ABLIM2: variants seen among roughly 807,000 people sequenced by gnomAD.
ABLIM2 encodes actin-binding LIM protein 2.
Under a neutral mutation model 97.7 loss-of-function variants are expected in ABLIM2, and 53 were observed. The observed-to-expected ratio is 0.54, with a 90% CI of 0.44 to 0.68. ABLIM2 has a LOEUF of 0.68. Among genes scored for constraint, ABLIM2 ranks in the 30% least tolerant of loss-of-function variants. The pLI, the probability that ABLIM2 is intolerant of heterozygous loss-of-function variation, is 0.00. For synonymous variants in ABLIM2, 361 were observed against 345.8 expected, an observed-to-expected ratio of 1.04 and a Z score of -0.49; for missense variants, 835 against 867.2, an observed-to-expected ratio of 0.96 and a Z score of 0.47.
At chr4:7,981,845 C>T (rs771414586) in intron 20 of ABLIM2, among the ~76,000 whole-genome samples, 1 of 152,214 alleles carries the variant, frequency 6.6e-6, no homozygotes, top group Non-Finnish European at 1.5e-5. Flanking sequence ...GAGCACCCAG[C>T]CAGCTAGTGC....
rs539280643 is a variant in ABLIM2 at position 8,052,455 on chromosome 4, A to G, written c.822+1733T>C. Among the ~76,000 whole-genome samples, 17 of 152,320 alleles carry G rather than the reference A, an allele frequency of 1.1e-4. No individual in the cohort carries two copies. In the South Asian group the frequency reaches 3.5e-3, roughly 32 times the overall value. On this transcript the variant is annotated intron_variant, in intron 8 of 20. Coordinates refer to ENST00000447017, the MANE Select transcript of ABLIM2 (RefSeq NM_001130083.2). ...TATTTGAGAGGACAACAAAATTCACAATGTGCCAGCTAGCTGCTGCGATCC... is the reference window on the plus strand; with the variant it reads ...TATTTGAGAGGACAACAAAATTCACGATGTGCCAGCTAGCTGCTGCGATCC...
At chr4:8,103,881 A>G (rs1427967181) in intron 2 of ABLIM2, among the ~76,000 whole-genome samples, 1 of 152,236 alleles carries the variant, frequency 6.6e-6, no homozygotes, top group Non-Finnish European at 1.5e-5. Flanking sequence ...CCTTTCAAAT[A>G]AAGTGCAAGC....
At chr4:8,050,816 G>A (rs946224054) in intron 8 of ABLIM2, among the ~76,000 whole-genome samples, 1 of 152,218 alleles carries the variant, frequency 6.6e-6, no homozygotes, top group Non-Finnish European at 1.5e-5. Context: ...CCCTGGACTC[G>A]GCGCTAAGAG....
chr4:8,003,992 G>GCT lies in ABLIM2; in HGVS notation c.1618+4065_1618+4066dup, dbSNP rs1759258968. On this transcript the variant is annotated intron_variant, in intron 16 of 20. Coordinates refer to ENST00000447017, the MANE Select transcript of ABLIM2 (RefSeq NM_001130083.2). The surrounding 1 kb of genome is among the most constrained non-coding windows in gnomAD (Gnocchi z 4.2). Reference sequence around the variant, plus strand: ...AGATTGACAGTAGCACGTCAGGGAGGCTCTTCCTTCGACCACGGACTAAGG... The same window carrying GCT: ...AGATTGACAGTAGCACGTCAGGGAGGCTCTCTTCCTTCGACCACGGACTAAGG... Among the ~76,000 whole-genome samples the GCT allele has an allele frequency of 6.6e-6, 1 of 152,072 alleles. No homozygotes were observed. The highest frequency in any genetic ancestry group is 1.5e-5 in the Non-Finnish European group (1 of 68,020).
chr4:8,077,720 C>T lies in ABLIM2; in HGVS notation c.583G>A (p.Asp195Asn), dbSNP rs776636319. Reference protein sequence around the residue: ...KLLNAEYISKDGLPYCEADYH... With the variant: ...KLLNAEYISKNGLPYCEADYH... ...TCAGCTTCGCAGTAGGGCAGCCCAT[C>T]CCTGCAATGAGACAGGCAGTCAACA... is the stretch of plus-strand genomic sequence containing the variant. Residue 195 changes from aspartate to asparagine, a missense_variant and splice_region_variant, in exon 6 of 21, where the codon GAT becomes AAT. By Grantham distance (23) the Asp-to-Asn change is conservative. Coordinates refer to ENST00000447017, the MANE Select transcript of ABLIM2 (RefSeq NM_001130083.2). 1 of 1,610,666 alleles carries T rather than the reference C, an allele frequency of 6.2e-7. No homozygotes were observed. Among genetic ancestry groups the T allele is most frequent in the African/African-American group, 1.3e-5 (1 of 75,036 alleles).
At chr4:7,968,991 G>A (rs1172722361) in intron 20 of ABLIM2, among the ~76,000 whole-genome samples, 1 of 151,912 alleles carries the variant, frequency 6.6e-6, no homozygotes, top group Non-Finnish European at 1.5e-5. Context: ...AATTAGCCAG[G>A]CATGGTGGCA....
chr4:8,066,936 C>T (rs1808273741), intron 6 of ABLIM2: 1 of 152,218 alleles, frequency 6.6e-6, no homozygotes, highest in Non-Finnish European at 1.5e-5. Context: ...AGCTGATCCC[C>T]AAATGGCCAA....
intron 17 of ABLIM2, chr4:7,989,420 C>G: frequency 1.0e-6 from 1 of 985,380 alleles, no homozygotes; most frequent in Non-Finnish European, 1.2e-6. Flanking sequence ...AAATCACCCA[C>G]CATACTTGTA....
At chr4:8,154,564 G>A (rs976395328) in intron 1 of ABLIM2, among the ~76,000 whole-genome samples, 2 of 152,226 alleles carry the variant, frequency 1.3e-5, no homozygotes, top group Admixed American at 6.5e-5. Context: ...ACAGGCGTAA[G>A]CCACCGCACC....
At position 8,125,109 on chromosome 4, in the gene ABLIM2, G is replaced by A. The variant is rs755126935; in HGVS notation, c.11-18472C>T. ...AGGGATGAGAGTTATTCGTATATTC[G>A]AGATACAAGTCCCGTGTCAGCTTGC... On this transcript the variant is annotated intron_variant, in intron 1 of 20. Coordinates refer to ENST00000447017, the MANE Select transcript of ABLIM2 (RefSeq NM_001130083.2). The surrounding 1 kb of genome is among the most constrained non-coding windows in gnomAD (Gnocchi z 6.2). Among the ~76,000 whole-genome samples the A allele has an allele frequency of 3.9e-5, 6 of 152,124 alleles. No individual in the cohort carries two copies. The highest frequency in any genetic ancestry group is 7.3e-5 in the Non-Finnish European group (5 of 68,034).
chr4:7,969,730 GACACACAC>G (rs56236019), intron 20 of ABLIM2, among the ~76,000 whole-genome samples: 9,721 of 139,302 alleles, frequency 0.07, 563 homozygotes, highest in East Asian at 0.23. Context: ...CTCTCTCTCT[GACACACAC>G]ACACACACAC....
In ABLIM2 at chr4:8,112,938, G is replaced by C. The variant is rs1451585423; in HGVS notation, c.11-6301C>G. On this transcript the variant is annotated intron_variant, in intron 1 of 20. Transcript: ENST00000447017. The surrounding 1 kb of genome is among the most constrained non-coding windows in gnomAD (Gnocchi z 4.2). Reference sequence around the variant, plus strand: ...CGCACTGTCAGGTACTGGGGAGAGAGGTGTGCCATTCAGCACCACACCAGC... The same window carrying C: ...CGCACTGTCAGGTACTGGGGAGAGACGTGTGCCATTCAGCACCACACCAGC... 6.6e-6 allele frequency among the ~76,000 whole-genome samples: 1 copy of C among 152,158 alleles called. No homozygotes were observed. Among genetic ancestry groups the C allele is most frequent in the Non-Finnish European group, 1.5e-5 (1 of 68,040 alleles).
intron 1 of ABLIM2, among the ~76,000 whole-genome samples, chr4:8,126,830 C>G (rs576686954): frequency 6.6e-6 from 1 of 152,174 alleles, no homozygotes; most frequent in East Asian, 1.9e-4. Context: ...CTTTGAGAGG[C>G]TGAGATGGGA....
At chr4:8,047,704 A>G (rs1793462055) in intron 8 of ABLIM2, among the ~76,000 whole-genome samples, 1 of 152,210 alleles carries the variant, frequency 6.6e-6, no homozygotes, top group Non-Finnish European at 1.5e-5. Context: ...GAATACATTG[A>G]AACACCCTTT....
At chr4:8,070,815 G>A (rs1811467637) in intron 6 of ABLIM2, among the ~76,000 whole-genome samples, 1 of 152,100 alleles carries the variant, frequency 6.6e-6, no homozygotes. Flanking sequence ...AGGAGGGGAG[G>A]AGTAAAGGGA....
intron 6 of ABLIM2, among the ~76,000 whole-genome samples, chr4:8,062,915 G>A (rs541208330): frequency 1.3e-4 from 20 of 152,178 alleles, no homozygotes; most frequent in Non-Finnish European, 2.1e-4. Flanking sequence ...AAATCCAGGT[G>A]CCCCCACTTC....
intron 3 of ABLIM2, among the ~76,000 whole-genome samples, chr4:8,094,879 C>T (rs1481530957): frequency 6.6e-6 from 1 of 151,942 alleles, no homozygotes; most frequent in Non-Finnish European, 1.5e-5. Flanking sequence ...TTTGCAACAA[C>T]CTAATACAAC....
intron 11 of ABLIM2, among the ~76,000 whole-genome samples, 198 bp downstream of exon 11, chr4:8,029,458 A>G (rs1779443485): frequency 6.6e-6 from 1 of 152,180 alleles, no homozygotes; most frequent in Non-Finnish European, 1.5e-5. Context: ...CCAAGGCATG[A>G]GGAGGTCCTT....
chr4:7,972,702 T>C (rs1729110514), intron 20 of ABLIM2, among the ~76,000 whole-genome samples: 1 of 152,184 alleles, frequency 6.6e-6, no homozygotes. Flanking sequence ...GGCCCCTGCA[T>C]TTGGCCTCTG....
Sources: allele counts gnomAD v4.1 joint callset (sites outside exome capture counted in the v4.1 genomes callset), GRCh38; gene constraint gnomAD v4.1.1; non-coding constraint Gnocchi (gnomAD v3.1); transcripts MANE v1.5; gene names NCBI Gene and HGNC (gene_info 2026-07-23, HGNC 2026-07-21).